The following PITPNC1 variants were observed in gnomAD, a reference collection of about 807,000 sequenced individuals.
PITPNC1 encodes cytoplasmic phosphatidylinositol transfer protein 1.
A neutral mutation model predicts 44.7 loss-of-function variants in PITPNC1; 18 were observed. The ratio of observed to expected loss-of-function variants is 0.40; its 90% CI spans 0.28 to 0.60. The LOEUF (loss-of-function observed/expected upper bound fraction) is 0.60, where lower values mean the gene tolerates loss of function less well. Among genes scored for constraint, PITPNC1 ranks in the 20% least tolerant of loss-of-function variants. The pLI, the probability that PITPNC1 is intolerant of heterozygous loss-of-function variation, is 0.39. For synonymous variants in PITPNC1, 141 were observed against 149.6 expected (o/e 0.94, Z 0.42); for missense variants, 290 against 418.4 (o/e 0.69, Z 2.68).
intron 4 of PITPNC1, among the ~76,000 whole-genome samples, chr17:67,575,869 T>C (rs2041140385): frequency 2.0e-5 from 1 of 51,064 alleles, no homozygotes; most frequent in African/African-American, 7.0e-5. Flanking sequence ...CTTCCTTCTT[T>C]CTTTCTTTCC....
chr17:67,494,377 T>G (rs1395774863), intron 1 of PITPNC1, among the ~76,000 whole-genome samples: 1 of 151,922 alleles, frequency 6.6e-6, no homozygotes, highest in East Asian at 1.9e-4. Context: ...TTTTTGTTTT[T>G]TTAATAGAGA....
intron 1 of PITPNC1, among the ~76,000 whole-genome samples, chr17:67,494,185 T>TCCTTCC (rs1555657748): frequency 9.8e-6 from 1 of 102,428 alleles, no homozygotes; most frequent in African/African-American, 3.8e-5. Context: ...CTTTCTTTCT[T>TCCTTCC]TTTCTTTCTT....
At chr17:67,458,307 G>C (rs1343842794) in intron 1 of PITPNC1, among the ~76,000 whole-genome samples, 1 of 152,104 alleles carries the variant, frequency 6.6e-6, no homozygotes, top group African/African-American at 2.4e-5. Context: ...TCTGAATCTT[G>C]TATTAGATGC....
chr17:67,495,424 G>A (rs1447842272), intron 1 of PITPNC1, among the ~76,000 whole-genome samples: 1 of 152,018 alleles, frequency 6.6e-6, no homozygotes, highest in Non-Finnish European at 1.5e-5. Context: ...GTGCAGGTTT[G>A]TTATACAGGT....
chr17:67,393,962 C>T (rs533070909), intron 1 of PITPNC1, among the ~76,000 whole-genome samples: 8 of 152,028 alleles, frequency 5.3e-5, no homozygotes, highest in Non-Finnish European at 1.0e-4. Context: ...CTCAGCCTCG[C>T]GAGTAGCTGA....
chr17:67,532,024 G>GA (rs1267059437), intron 1 of PITPNC1, among the ~76,000 whole-genome samples: 9 of 152,060 alleles, frequency 5.9e-5, no homozygotes, highest in Non-Finnish European at 1.3e-4. Flanking sequence ...GCTCATACAT[G>GA]AAAAAAGGAC....
Position 67,426,389 on chromosome 17 carries a change from A to C in PITPNC1, c.48+48187A>C, listed in dbSNP as rs529270239. ...CCCATCAACGATAGACTGGATAAAG[A>C]AAATGTGGTACATATACACCATGGA... is the stretch of plus-strand genomic sequence containing the variant. On this transcript the variant is annotated intron_variant, in intron 1 of 8. Transcript: ENST00000581322. 4.0e-3 allele frequency among the ~76,000 whole-genome samples: 606 copies of C among 152,362 alleles called. 5 individuals are homozygous for C. Among genetic ancestry groups the C allele is most frequent in the Non-Finnish European group, 6.8e-3 (465 of 68,040 alleles).
intron 1 of PITPNC1, among the ~76,000 whole-genome samples, chr17:67,494,189 C>CTTTCTTTCTTTCTTTCTTTCTTTCT (rs1568012898): frequency 4.2e-4 from 26 of 62,064 alleles, no homozygotes; most frequent in African/African-American, 1.3e-3. Flanking sequence ...CTTTCTTTTT[C>CTTTCTTTCTTTCTTTCTTTCTTTCT]TTTCTTTCTT....
rs569997936 is a variant in PITPNC1 at position 67,561,787 on chromosome 17, G to C, written c.294+8170G>C. Among the ~76,000 whole-genome samples, 4 of 152,266 alleles carry C rather than the reference G, an allele frequency of 2.6e-5. No homozygotes were observed. In the East Asian group the frequency reaches 7.7e-4, roughly 29 times the overall value. On this transcript the variant is annotated intron_variant, in intron 4 of 8. Coordinates refer to ENST00000581322, the MANE Select transcript of PITPNC1 (RefSeq NM_012417.4). ...ATTTTTAATTATAAATTAGAGGCAG[G>C]TTTTCGCTATGTTGCCCAGGCTAAT...
In PITPNC1 at chr17:67,692,769, C is replaced by A. The variant is rs547443023; in HGVS notation, c.880C>A (p.Arg294=). The change falls in exon 9 of 9, where the codon CGG becomes AGG. Residue 294 remains arginine (R), a synonymous_variant. Transcript: ENST00000581322. ...CGAATTTCTGTCCGTTCCCAAAGAT[C>A]GGCCCCGGAAAAAGTCTGCCCCAGA... is the stretch of plus-strand genomic sequence containing the variant. ...APEFLSVPKD[R]PRKKSAPETL... 1.2e-6 allele frequency: 2 copies of A among 1,613,598 alleles called. No homozygotes were observed. Among genetic ancestry groups the A allele is most frequent in the Admixed American group, 3.3e-5 (2 of 59,974 alleles).
chr17:67,632,567 C>CAA, intron 6 of PITPNC1: 1 of 219,068 alleles, frequency 4.6e-6, no homozygotes. Flanking sequence ...ATTACATGCG[C>CAA]TCTTTTTTTT....
chr17:67,494,690 G>T (rs1568013247), intron 1 of PITPNC1, among the ~76,000 whole-genome samples: 2 of 152,134 alleles, frequency 1.3e-5, no homozygotes, highest in South Asian at 4.1e-4. Flanking sequence ...CAAGAAGTAG[G>T]CTGGGTGCAG....
chr17:67,687,497 A>T (rs955952079), intron 8 of PITPNC1, among the ~76,000 whole-genome samples: 1 of 152,230 alleles, frequency 6.6e-6, no homozygotes, highest in Non-Finnish European at 1.5e-5. Flanking sequence ...GTGAAAATCG[A>T]TGTCATATGT....
chr17:67,656,398 T>C (rs1217142599), intron 6 of PITPNC1, among the ~76,000 whole-genome samples: 1 of 152,216 alleles, frequency 6.6e-6, no homozygotes, highest in African/African-American at 2.4e-5. Context: ...TCCTCTTCTG[T>C]ATCTTATAAG....
intron 1 of PITPNC1, among the ~76,000 whole-genome samples, chr17:67,498,932 C>T (rs1162074167): frequency 6.7e-6 from 1 of 149,394 alleles, no homozygotes; most frequent in Non-Finnish European, 1.5e-5. Flanking sequence ...AATGCAGTAG[C>T]ACGATCACGG....
intron 5 of PITPNC1, among the ~76,000 whole-genome samples, chr17:67,585,130 A>AAAAT (rs1568052719): frequency 2.0e-5 from 3 of 151,516 alleles, no homozygotes; most frequent in Admixed American, 1.3e-4. Context: ...AAAAAAAAAA[A>AAAAT]AAAAAACCAG....
chr17:67,403,880 TG>T, intron 1 of PITPNC1, among the ~76,000 whole-genome samples: 1 of 152,056 alleles, frequency 6.6e-6, no homozygotes, highest in African/African-American at 2.4e-5. Flanking sequence ...AAATTAGCCG[TG>T]TGTGGTGGCA....
At chr17:67,409,104 G>T in intron 1 of PITPNC1, among the ~76,000 whole-genome samples, 1 of 127,466 alleles carries the variant, frequency 7.8e-6, no homozygotes. Flanking sequence ...TTGAGACGGA[G>T]TCTCGCTCTG....
chr17:67,573,930 A>C (rs1179431276), intron 4 of PITPNC1, among the ~76,000 whole-genome samples: 2 of 152,126 alleles, frequency 1.3e-5, no homozygotes, highest in East Asian at 3.9e-4. Flanking sequence ...TAGATGGGGG[A>C]AGAAATAGGA....
Sources: gnomAD v4.1 joint callset for allele counts (sites outside exome capture counted in the v4.1 genomes callset) on GRCh38, gnomAD v4.1.1 for gene constraint, MANE v1.5 for transcripts, NCBI Gene and HGNC (gene_info 2026-07-23, HGNC 2026-07-21) for gene names.